The following PRKD2 variants were observed in gnomAD, a reference collection of about 807,000 sequenced individuals.
PRKD2 encodes the protein serine/threonine-protein kinase D2.
PRKD2 carries 22 observed loss-of-function variants against 86.0 expected under a neutral mutation model. That is an observed-to-expected ratio of 0.26 (90% CI 0.18 to 0.37). The LOEUF (loss-of-function observed/expected upper bound fraction) is 0.37, where lower values mean the gene tolerates loss of function less well. Ranked by LOEUF, PRKD2 falls within the 10% of genes least tolerant of loss-of-function variation. The pLI is 1.00. For synonymous variants in PRKD2, 509 were observed against 510.9 expected (o/e 1.00, Z 0.05); for missense variants, 818 against 1,199.2 (o/e 0.68, Z 4.70).
In PRKD2 at chr19:46,678,435, T is replaced by G. The variant is rs370149673; in HGVS notation, c.2299A>C (p.Met767Leu). 6.2e-7 allele frequency: 1 copy of G among 1,614,098 alleles called. No homozygotes were observed. Among genetic ancestry groups the G allele is most frequent in the Admixed American group, 1.7e-5 (1 of 60,014 alleles). ...INDQIQNAAF[M>L]YPASPWSHIS... ...TGGCTCCAGGGGCTGGCCGGGTACATGAAGGCGGCGTTCTGGATCTGGTCA... is the reference window on the plus strand; with the variant it reads ...TGGCTCCAGGGGCTGGCCGGGTACAGGAAGGCGGCGTTCTGGATCTGGTCA... The change falls in exon 16 of 18, where the codon ATG becomes CTG. Residue 767 changes from methionine to leucine, a missense_variant. By Grantham distance (15) the Met-to-Leu change is conservative (BLOSUM62 2). Transcript: ENST00000291281. The surrounding 1 kb of genome is among the most constrained non-coding windows in gnomAD (Gnocchi z 5.7).
chr19:46,686,728 G>T lies in PRKD2; in HGVS notation c.1971+2809C>A, dbSNP rs111608315. Among the ~76,000 whole-genome samples, 1,077 of 151,800 alleles carry T rather than the reference G, an allele frequency of 7.1e-3. 7 individuals are homozygous for T. The highest frequency in any genetic ancestry group is 0.025 in the African/African-American group (1,029 of 41,430). On this transcript the variant is annotated intron_variant, in intron 14 of 17. Coordinates refer to ENST00000291281, the MANE Select transcript of PRKD2 (RefSeq NM_016457.5). ...GCACTTTGGGAGGCCGAGGCGGGTGGATCACGAGGTCAGGAGATCGAGACC... is the reference window on the plus strand; with the variant it reads ...GCACTTTGGGAGGCCGAGGCGGGTGTATCACGAGGTCAGGAGATCGAGACC...
At position 46,674,578 on chromosome 19, in the gene PRKD2, C is replaced by T; in HGVS notation, c.2582G>A (p.Cys861Tyr). ...CTGCATGTCGTGGTCCTGTGGTGGA[C>T]AGGCCCCACCGAGATCCCTGTCCGT... ...LPTDRDLGGA[C>Y]PPQDHDMQGL... is the part of the protein sequence containing the mutation. Residue 861 changes from cysteine to tyrosine, a missense_variant, in exon 18 of 18, where the codon TGT becomes TAT. Cys to Tyr is a radical substitution (Grantham distance 194). Coordinates refer to ENST00000291281, the MANE Select transcript of PRKD2 (RefSeq NM_016457.5). 1 of 1,611,766 alleles carries T rather than the reference C, an allele frequency of 6.2e-7. No individual in the cohort carries two copies. Among genetic ancestry groups the T allele is most frequent in the African/African-American group, 1.3e-5 (1 of 75,008 alleles).
intron 9 of PRKD2, 74 bp from the exon 10 acceptor site, chr19:46,694,207 A>AC: frequency 1.3e-6 from 2 of 1,559,650 alleles, no homozygotes; most frequent in Non-Finnish European, 1.7e-6. Flanking sequence ...CCAGAAGGAT[A>AC]CACGGGATCC....
chr19:46,697,089 G>T, intron 9 of PRKD2, 68 bp downstream of exon 9: 2 of 1,239,128 alleles, frequency 1.6e-6, no homozygotes, highest in Non-Finnish European at 2.4e-6. Flanking sequence ...ACTGGGGGTA[G>T]GAGGAGGTGT....
chr19:46,690,218 A>G (rs2053464233), intron 13 of PRKD2, among the ~76,000 whole-genome samples: 1 of 152,002 alleles, frequency 6.6e-6, no homozygotes, highest in African/African-American at 2.4e-5. Flanking sequence ...ATCCCCACTC[A>G]GCCTCCTGGC....
intron 9 of PRKD2, among the ~76,000 whole-genome samples, chr19:46,696,249 G>T (rs1361948427): frequency 2.0e-4 from 31 of 152,094 alleles, no homozygotes; most frequent in Admixed American, 2.0e-3. Context: ...TGGAGTCCAG[G>T]TTTTATTACT....
At position 46,674,415 on chromosome 19, in the gene PRKD2, G is replaced by A. The variant is rs1009676731; in HGVS notation, c.*108C>T. ...TAGCTCCCCCCACCCCACTCCCCAC[G>A]TGTCCCATCCAGTTTGGGCAGGAAG... is the stretch of plus-strand genomic sequence containing the variant. On this transcript the variant is annotated 3_prime_UTR_variant, in exon 18 of 18. Transcript: ENST00000291281. 2.1e-5 allele frequency: 26 copies of A among 1,213,312 alleles called. No individual in the cohort carries two copies. The highest frequency in any genetic ancestry group is 4.6e-5 in the African/African-American group (3 of 65,654). The allele number at this position is 1,213,312 out of a possible 1,614,324, so 75.2% of individuals were successfully genotyped here. A position where few individuals can be genotyped will look rare whatever the true frequency, so the allele number is the denominator to read the frequency against.
At chr19:46,714,397 T>C (rs2053853227) in intron 1 of PRKD2, 2 of 811,966 alleles carry the variant, frequency 2.5e-6, no homozygotes, top group Non-Finnish European at 3.0e-6. Context: ...CTGTCTATTG[T>C]TGTCCCAGTT....
At chr19:46,677,091 C>T (rs1195110938) in intron 16 of PRKD2, 1 of 151,712 alleles carries the variant, frequency 6.6e-6, no homozygotes, top group Non-Finnish European at 1.5e-5. Context: ...TGTTGAGCAC[C>T]CCCAATATTA....
chr19:46,678,230 C>T lies in PRKD2; in HGVS notation c.2338+166G>A, dbSNP rs929912457. On this transcript the variant is annotated intron_variant, in intron 16 of 17. Transcript: ENST00000291281. The surrounding 1 kb of genome is among the most constrained non-coding windows in gnomAD (Gnocchi z 5.7). The stretch of plus-strand genomic sequence containing the variant: ...GAGTCCCAGCCCATCTTTTACAGGA[C>T]GGCTCCTCCTGTAGCCACATCCCTC... 14 of 1,078,696 alleles carry T rather than the reference C, an allele frequency of 1.3e-5. No homozygotes were observed. The highest frequency in any genetic ancestry group is 4.8e-5 in the African/African-American group (3 of 63,142). The allele number at this position is 1,078,696 out of a possible 1,614,324, so 66.8% of individuals were successfully genotyped here. A position where few individuals can be genotyped will look rare whatever the true frequency, so the allele number is the denominator to read the frequency against.
At chr19:46,699,175 G>A (rs2053603766) in intron 7 of PRKD2, among the ~76,000 whole-genome samples, 1 of 152,046 alleles carries the variant, frequency 6.6e-6, no homozygotes, top group South Asian at 2.1e-4. Flanking sequence ...TGCACTCGCT[G>A]TTGCCTCTGC....
intron 5 of PRKD2, among the ~76,000 whole-genome samples, chr19:46,701,450 G>A (rs571353804): frequency 3.8e-4 from 58 of 151,598 alleles, no homozygotes; most frequent in South Asian, 1.3e-3. Flanking sequence ...GTAAAACCTC[G>A]TCTCTACTAA....
chr19:46,698,279 C>T (rs2053589428), intron 7 of PRKD2, among the ~76,000 whole-genome samples: 1 of 152,070 alleles, frequency 6.6e-6, no homozygotes, highest in South Asian at 2.1e-4. Flanking sequence ...CCCCTAGTCC[C>T]ACCCTTAGAA....
rs527675971 is a variant in PRKD2 at position 46,707,665 on chromosome 19, C to T, written c.512-3016G>A. ...CTCACCTGTCATCTGTCCTCATAGC[C>T]AATGCAGGTACATGGCCTTCATCTG... On this transcript the variant is annotated intron_variant, in intron 3 of 17. Coordinates refer to ENST00000291281, the MANE Select transcript of PRKD2 (RefSeq NM_016457.5). Among the ~76,000 whole-genome samples the T allele has an allele frequency of 7.9e-5, 12 of 152,300 alleles. No individual in the cohort carries two copies. The South Asian group carries it at 2.3e-3, about 29-fold the overall frequency.
At position 46,694,125 on chromosome 19, in the gene PRKD2, C is replaced by T. The variant is rs772539966; in HGVS notation, c.1326G>A (p.Pro442=). 5.5e-5 allele frequency: 89 copies of T among 1,613,530 alleles called. No homozygotes were observed. The Admixed American group carries it at 1.3e-3, about 24-fold the overall frequency. ...NTTNRYYKEI[P]LSEILTVESA... ...ACTCCACCGTGAGGATTTCTGACAGCGGAATTTCCTGCAGGACGTGGAACC... is the reference window on the plus strand; with the variant it reads ...ACTCCACCGTGAGGATTTCTGACAGTGGAATTTCCTGCAGGACGTGGAACC... The change falls in exon 10 of 18, where the codon CCG becomes CCA. Residue 442 remains proline, a synonymous_variant. Coordinates refer to ENST00000291281, the MANE Select transcript of PRKD2 (RefSeq NM_016457.5).
chr19:46,700,824 C>T lies in PRKD2; in HGVS notation c.1096G>A (p.Glu366Lys), dbSNP rs2053624723. ...CTCTGGGCCTTGCCTCCCTCGCCTT[C>T]CTCCTCCTCACTGGCGTGGAGCGCA... ...ENALHASEEE[E>K]GEGGKAQSSL... Residue 366 changes from glutamate (E) to lysine (K), a missense_variant, in exon 7 of 18, where the codon GAA becomes AAA. Coordinates refer to ENST00000291281, the MANE Select transcript of PRKD2 (RefSeq NM_016457.5). The T allele has an allele frequency of 1.2e-6, 2 of 1,614,164 alleles. No individual in the cohort carries two copies. Among genetic ancestry groups the T allele is most frequent in the Non-Finnish European group, 8.5e-7 (1 of 1,179,982 alleles).
chr19:46,697,279 G>A (rs762049445), intron 8 of PRKD2, 45 bp from the exon 9 acceptor site: 12 of 1,435,480 alleles, frequency 8.4e-6, no homozygotes, highest in Non-Finnish European at 1.2e-5. Flanking sequence ...AGACTTTCCT[G>A]CCCAGTCCCT....
intron 14 of PRKD2, among the ~76,000 whole-genome samples, chr19:46,684,746 C>T (rs1405292526): frequency 3.3e-5 from 5 of 151,954 alleles, no homozygotes; most frequent in African/African-American, 9.7e-5. Context: ...GGGCAGATCA[C>T]GAGATCAAAA....
rs753263612 is a variant in PRKD2 at position 46,700,903 on chromosome 19, G to A, written c.1017C>T (p.Ala339=). 1.2e-5 allele frequency: 19 copies of A among 1,614,094 alleles called. No individual in the cohort carries two copies. Among genetic ancestry groups the A allele is most frequent in the Admixed American group, 3.3e-5 (2 of 60,008 alleles). The change falls in exon 7 of 18, where the codon GCC becomes GCT. Residue 339 remains alanine, a synonymous_variant. Transcript: ENST00000291281. ...CGGAGTCCTCTGACTCATCCATGAG[G>A]GCGCTCTTGTCAGCCTCGCTGAAAT... is the stretch of plus-strand genomic sequence containing the variant. The part of the protein sequence containing the change: ...ATDFSEADKS[A]LMDESEDSGV...
Sources: gnomAD v4.1 joint callset for allele counts (sites outside exome capture counted in the v4.1 genomes callset) on GRCh38, gnomAD v4.1.1 for gene constraint, Gnocchi (gnomAD v3.1) non-coding constraint, MANE v1.5 for transcripts, NCBI Gene and HGNC (gene_info 2026-07-23, HGNC 2026-07-21) for gene names.